NKAIN3: variants seen among roughly 807,000 people sequenced by gnomAD.
The protein encoded by NKAIN3 is sodium/potassium transporting ATPase interacting 3.
Under a neutral mutation model 30.2 loss-of-function variants are expected in NKAIN3, and 25 were observed. The ratio of observed to expected loss-of-function variants is 0.83; its 90% CI spans 0.60 to 1.16. The LOEUF (loss-of-function observed/expected upper bound fraction) is 1.16. Among genes scored for constraint, NKAIN3 ranks in the 50% most tolerant of loss-of-function variants. The probability of loss-of-function intolerance (pLI) is 0.00; values close to 1 mark genes in which losing one functional copy is unlikely to be tolerated. For missense variants in NKAIN3, 225 were observed against 254.1 expected (o/e 0.89, Z 0.78); for synonymous variants, 91 against 89.6 (o/e 1.02, Z -0.09).
intron 1 of NKAIN3, among the ~76,000 whole-genome samples, chr8:62,500,939 A>T (rs1025615327): frequency 1.3e-5 from 2 of 152,140 alleles, no homozygotes; most frequent in Admixed American, 6.6e-5. Context: ...CATAACGGGG[A>T]TTGCTAGGCC....
intron 4 of NKAIN3, among the ~76,000 whole-genome samples, chr8:62,873,558 C>T (rs1421187693): frequency 6.7e-6 from 1 of 150,186 alleles, no homozygotes; most frequent in Non-Finnish European, 1.5e-5. Flanking sequence ...CCACATGGCA[C>T]TTATTCTAAA....
At chr8:62,858,218 G>A (rs1293963787) in intron 4 of NKAIN3, among the ~76,000 whole-genome samples, 1 of 152,176 alleles carries the variant, frequency 6.6e-6, no homozygotes, top group Non-Finnish European at 1.5e-5. Context: ...ATGGCAGCCT[G>A]CCCCTTCCTC....
In NKAIN3 at chr8:62,860,176, G is replaced by A. The variant is rs140443384; in HGVS notation, c.472-58277G>A. 2.3e-3 allele frequency among the ~76,000 whole-genome samples: 347 copies of A among 152,330 alleles called. 2 individuals carry two copies. Among genetic ancestry groups the A allele is most frequent in the Non-Finnish European group, 2.5e-3 (173 of 68,036 alleles). ...GTGGGAAGCTATTTAAAATTTGGAAGAGGCAAAATATGTGATAGGAAAGAT... is the reference window on the plus strand; with the variant it reads ...GTGGGAAGCTATTTAAAATTTGGAAAAGGCAAAATATGTGATAGGAAAGAT... On this transcript the variant is annotated intron_variant, in intron 4 of 6. Transcript: ENST00000623646.
Position 62,811,254 on chromosome 8 carries a change from T to A in NKAIN3, c.471+64125T>A, listed in dbSNP as rs563807996. 5.3e-5 allele frequency among the ~76,000 whole-genome samples: 8 copies of A among 152,260 alleles called. No homozygotes were observed. The South Asian group carries it at 1.7e-3, about 32-fold the overall frequency. ...CTTGATATGGGTGTACCATAGCTTA[T>A]TTAAACAATTGCCTGTGAAAGGACA... is the stretch of plus-strand genomic sequence containing the variant. On this transcript the variant is annotated intron_variant, in intron 4 of 6. Transcript: ENST00000623646.
intron 1 of NKAIN3, among the ~76,000 whole-genome samples, chr8:62,469,655 A>T (rs376489915): frequency 1.3e-5 from 2 of 152,130 alleles, no homozygotes; most frequent in East Asian, 3.9e-4. Flanking sequence ...GGTACTGAGG[A>T]TATGTAACTC....
intron 3 of NKAIN3, among the ~76,000 whole-genome samples, chr8:62,725,579 G>C (rs1815230054): frequency 6.6e-6 from 1 of 151,852 alleles, no homozygotes; most frequent in Non-Finnish European, 1.5e-5. Context: ...GTTTCATTCT[G>C]CTTTCCCAAC....
intron 1 of NKAIN3, among the ~76,000 whole-genome samples, chr8:62,494,843 G>T (rs1807184190): frequency 6.6e-6 from 1 of 152,014 alleles, no homozygotes; most frequent in African/African-American, 2.4e-5. Flanking sequence ...TTTTTATAGG[G>T]TCAGTGGTAA....
intron 4 of NKAIN3, among the ~76,000 whole-genome samples, chr8:62,904,472 T>C (rs925038740): frequency 3.7e-4 from 57 of 152,192 alleles, no homozygotes; most frequent in African/African-American, 1.4e-3. Flanking sequence ...ATTGGCTTGT[T>C]CTCATCTTTA....
intron 4 of NKAIN3, among the ~76,000 whole-genome samples, chr8:62,844,649 T>C (rs900705543): frequency 3.9e-5 from 6 of 152,192 alleles, no homozygotes; most frequent in African/African-American, 1.4e-4. Flanking sequence ...CTTTGTTTTG[T>C]TGTTCTATAT....
chr8:62,259,397 C>T (rs1212431830), intron 1 of NKAIN3, among the ~76,000 whole-genome samples: 1 of 152,040 alleles, frequency 6.6e-6, no homozygotes, highest in Non-Finnish European at 1.5e-5. Context: ...TTTGGTATAG[C>T]TTCTTTCTTA....
chr8:62,786,276 G>C (rs1193506692), intron 4 of NKAIN3, among the ~76,000 whole-genome samples: 1 of 150,104 alleles, frequency 6.7e-6, no homozygotes, highest in Non-Finnish European at 1.5e-5. Context: ...ATAAATAAAT[G>C]ACTAAATAAC....
chr8:62,328,670 G>A lies in NKAIN3; in HGVS notation c.54+79543G>A, dbSNP rs935530267. ...CAAATATGTTAAAAGGATTAAAAAAGATATTTTACCTCTCTACATTCTCCA... is the reference window on the plus strand; with the variant it reads ...CAAATATGTTAAAAGGATTAAAAAAAATATTTTACCTCTCTACATTCTCCA... On this transcript the variant is annotated intron_variant, in intron 1 of 6. Transcript: ENST00000623646. 8.5e-5 allele frequency among the ~76,000 whole-genome samples: 13 copies of A among 152,126 alleles called. No homozygotes were observed. In the East Asian group the frequency reaches 2.1e-3, roughly 25 times the overall value.
chr8:62,837,070 G>C (rs921678991), intron 4 of NKAIN3, among the ~76,000 whole-genome samples: 2 of 152,042 alleles, frequency 1.3e-5, no homozygotes, highest in Non-Finnish European at 2.9e-5. Flanking sequence ...TCCACTATTT[G>C]TTTTCTAAGA....
intron 1 of NKAIN3, among the ~76,000 whole-genome samples, chr8:62,399,918 C>T (rs1322217304): frequency 6.6e-6 from 1 of 152,062 alleles, no homozygotes; most frequent in Admixed American, 6.5e-5. Context: ...AAAACTGAGA[C>T]AATGGTCTAA....
intron 3 of NKAIN3, among the ~76,000 whole-genome samples, chr8:62,629,153 G>A (rs979576758): frequency 1.3e-5 from 2 of 152,152 alleles, no homozygotes; most frequent in Non-Finnish European, 2.9e-5. Context: ...GAAGTAATCA[G>A]ATAATTCTAG....
At chr8:62,412,442 G>C (rs1804270021) in intron 1 of NKAIN3, among the ~76,000 whole-genome samples, 1 of 152,022 alleles carries the variant, frequency 6.6e-6, no homozygotes, top group Non-Finnish European at 1.5e-5. Flanking sequence ...AACTCGAAAT[G>C]GATCAAATAT....
intron 3 of NKAIN3, among the ~76,000 whole-genome samples, chr8:62,646,138 GAA>G (rs75073790): frequency 2.8e-4 from 32 of 116,188 alleles, no homozygotes; most frequent in African/African-American, 6.0e-4. Context: ...CCTCATTCTG[GAA>G]AAAAAAAAAA....
chr8:62,572,876 C>G (rs183104198), intron 1 of NKAIN3, among the ~76,000 whole-genome samples: 5 of 152,238 alleles, frequency 3.3e-5, no homozygotes, highest in Admixed American at 2.6e-4. Context: ...GACACAAAGT[C>G]AAACCACATC....
chr8:62,321,216 T>C (rs1814886404), intron 1 of NKAIN3, among the ~76,000 whole-genome samples: 1 of 152,214 alleles, frequency 6.6e-6, no homozygotes, highest in Non-Finnish European at 1.5e-5. Context: ...GCATTGGTTA[T>C]TCTAGTTAGC....
Sources: gnomAD v4.1 joint callset for allele counts (sites outside exome capture counted in the v4.1 genomes callset) on GRCh38, gnomAD v4.1.1 for gene constraint, MANE v1.5 for transcripts, NCBI Gene and HGNC (gene_info 2026-07-23, HGNC 2026-07-21) for gene names.